CTU2: variants seen among roughly 807,000 people sequenced by gnomAD.
CTU2 encodes cytoplasmic tRNA 2-thiolation protein 2.
A neutral mutation model predicts 64.1 loss-of-function variants in CTU2; 80 were observed. The observed-to-expected ratio is 1.25, with a 90% CI of 1.04 to 1.50. CTU2 has a LOEUF of 1.50. Among genes scored for constraint, CTU2 ranks in the 40% most tolerant of loss-of-function variants. CTU2 has a pLI of 0.00. For synonymous variants in CTU2, 482 were observed against 285.3 expected (o/e 1.69, Z -6.95); for missense variants, 1,110 against 690.2 (o/e 1.61, Z -6.81).
chr16:88,707,600 G>A (rs1347920253), intron 2 of CTU2, among the ~76,000 whole-genome samples: 1 of 152,176 alleles, frequency 6.6e-6, no homozygotes, highest in African/African-American at 2.4e-5. Context: ...TTAATCTCGT[G>A]TGAGATGCTT....
At position 88,714,195 on chromosome 16, in the gene CTU2, C is replaced by G. The variant is rs73262673; in HGVS notation, c.1065C>G (p.Thr355=). ...AGGCCTTCATCCTCAGGCTGCAGACCCAGTTCCCCTCCACTGTCAGCACTG... is the reference window on the plus strand; with the variant it reads ...AGGCCTTCATCCTCAGGCTGCAGACGCAGTTCCCCTCCACTGTCAGCACTG... ...LMEAFILRLQ[T]QFPSTVSTVY... is the part of the protein sequence containing the mutation. The change falls in exon 10 of 15, where the codon ACC becomes ACG. Residue 355 remains threonine (T), a synonymous_variant. Coordinates refer to ENST00000453996, the MANE Select transcript of CTU2 (RefSeq NM_001012759.3). 11,901 of 1,612,210 alleles carry G rather than the reference C, an allele frequency of 7.4e-3. 776 individuals are homozygous for G. In the African/African-American group the frequency reaches 0.14, roughly 19 times the overall value.
intron 2 of CTU2, among the ~76,000 whole-genome samples, chr16:88,707,812 G>T (rs199673451): frequency 0.017 from 2,473 of 144,696 alleles, 58 homozygotes; most frequent in African/African-American, 0.059. Flanking sequence ...TGTTGTTGTT[G>T]TTTTTTTTGA....
chr16:88,714,009 A>G (rs1790757131), intron 9 of CTU2, 127 bp from the exon 10 acceptor site: 2 of 1,081,444 alleles, frequency 1.8e-6, no homozygotes, highest in Non-Finnish European at 2.7e-6. Context: ...TGCCTTGAGC[A>G]GTCGCAGCAA....
rs1911407419 is a variant in CTU2 at position 88,712,456 on chromosome 16, C to G, written c.453+73C>G. The stretch of plus-strand genomic sequence containing the variant: ...GGCACCTGCCCGTGTCCCAGCCTCA[C>G]TGGCCTCTCCCTCATCCCAGAAGGC... On this transcript the variant is annotated intron_variant, in intron 6 of 14. Transcript: ENST00000453996. 5.5e-6 allele frequency: 8 copies of G among 1,457,028 alleles called. No homozygotes were observed. In the South Asian group the frequency reaches 7.9e-5, roughly 14 times the overall value. 90.3% of individuals were successfully genotyped at this position (1,457,028 alleles called of 1,614,324 possible).
intron 2 of CTU2, among the ~76,000 whole-genome samples, chr16:88,708,585 C>A (rs954257869): frequency 6.6e-6 from 1 of 152,128 alleles, no homozygotes; most frequent in Non-Finnish European, 1.5e-5. Context: ...TTGATACTTG[C>A]CAGTTACCTG....
chr16:88,712,190 G>A, intron 5 of CTU2, 84 bp from the exon 6 acceptor site: 1 of 1,199,216 alleles, frequency 8.3e-7, no homozygotes, highest in African/African-American at 1.5e-5. Flanking sequence ...GGCCTCGAAG[G>A]GTTTTCCCAG....
intron 1 of CTU2, 163 bp downstream of exon 1, chr16:88,706,761 G>A (rs1420511514): frequency 1.8e-6 from 1 of 543,324 alleles, no homozygotes; most frequent in East Asian, 3.3e-5. Context: ...CGGCCACCTA[G>A]AAGGGGACTT....
At position 88,711,516 on chromosome 16, in the gene CTU2, A is replaced by G. The variant is rs542948084; in HGVS notation, c.283-119A>G. On this transcript the variant is annotated intron_variant, in intron 4 of 14. Coordinates refer to ENST00000453996, the MANE Select transcript of CTU2 (RefSeq NM_001012759.3). The stretch of plus-strand genomic sequence containing the variant: ...GGCTTTGTCCAATAAACGCAATGGC[A>G]GGGGAAGACCACTTCACCTTCCAAG... 3.2e-5 allele frequency: 33 copies of G among 1,032,014 alleles called. No individual in the cohort carries two copies. The African/African-American group carries it at 4.9e-4, about 15-fold the overall frequency. The allele number at this position is 1,032,014 out of a possible 1,614,324, so 63.9% of individuals were successfully genotyped here.
At chr16:88,708,788 C>T (rs887676525) in intron 2 of CTU2, among the ~76,000 whole-genome samples, 1 of 152,134 alleles carries the variant, frequency 6.6e-6, no homozygotes, top group African/African-American at 2.4e-5. Context: ...CTTGCAGTGG[C>T]ATTGTCCGCT....
chr16:88,709,043 G>C (rs1395341578), intron 2 of CTU2: 1 of 152,238 alleles, frequency 6.6e-6, no homozygotes, highest in Non-Finnish European at 1.5e-5. Flanking sequence ...GGGAGGCCCA[G>C]GCAGGAGGGT....
In CTU2 at chr16:88,713,672, A is replaced by T; in HGVS notation, c.899A>T (p.Asp300Val). 6.2e-7 allele frequency: 1 copy of T among 1,612,434 alleles called. No individual in the cohort carries two copies. The highest frequency in any genetic ancestry group is 8.5e-7 in the Non-Finnish European group (1 of 1,179,794). The change falls in exon 9 of 15, where the codon GAC (aspartate) becomes GTC (valine). Residue 300 changes from aspartate to valine, a missense_variant. Physicochemically the swap from Asp to Val is radical, Grantham distance 152. Transcript: ENST00000453996. ...DTGFSDERHG[D>V]VVVVRPMRDH... Reference sequence around the variant, plus strand: ...GGCTTCTCGGATGAGCGGCACGGGGACGTGGTGGTGGTGCGGCCCATGCGG... The same window carrying T: ...GGCTTCTCGGATGAGCGGCACGGGGTCGTGGTGGTGGTGCGGCCCATGCGG...
chr16:88,714,536 G>A lies in CTU2; in HGVS notation c.1201+50G>A, dbSNP rs148253988. 19,129 of 1,612,558 alleles carry A rather than the reference G, an allele frequency of 0.012. 140 individuals carry two copies. The highest frequency in any genetic ancestry group is 0.014 in the Non-Finnish European group (16,814 of 1,179,794). ...GATGCGGGGAGGGAGCCAGGGAGTGGGTGTGGGGGCTCAGCAGCCCCAGGC... is the reference window on the plus strand; with the variant it reads ...GATGCGGGGAGGGAGCCAGGGAGTGAGTGTGGGGGCTCAGCAGCCCCAGGC... On this transcript the variant is annotated intron_variant, in intron 11 of 14. Transcript: ENST00000453996.
At chr16:88,712,425 C>A in intron 6 of CTU2, 42 bp downstream of exon 6, 1 of 1,513,254 alleles carries the variant, frequency 6.6e-7, no homozygotes, top group Non-Finnish European at 8.9e-7. Flanking sequence ...GAGGTGACCC[C>A]TGGGGGGCAC....
intron 8 of CTU2, 36 bp from the exon 9 acceptor site, chr16:88,713,611 C>T: frequency 6.2e-7 from 1 of 1,600,806 alleles, no homozygotes; most frequent in Non-Finnish European, 8.5e-7. Context: ...CACATTCGGG[C>T]CTTGACCTGG....
At position 88,706,877 on chromosome 16, in the gene CTU2, C is replaced by T. The variant is rs1413145325; in HGVS notation, c.69-259C>T. Reference sequence around the variant, plus strand: ...AACTGGTGCCGTGAAGCTGTCTCGCCTCCCCGTGTCAGCCTTGGGAGACTG... The same window carrying T: ...AACTGGTGCCGTGAAGCTGTCTCGCTTCCCCGTGTCAGCCTTGGGAGACTG... On this transcript the variant is annotated intron_variant, in intron 1 of 14. Transcript: ENST00000453996. The T allele has an allele frequency of 1.1e-5, 6 of 558,132 alleles. No homozygotes were observed. The East Asian group carries it at 1.4e-4, about 13-fold the overall frequency. The allele number at this position is 558,132 out of a possible 1,614,324, so 34.6% of individuals were successfully genotyped here. A position where few individuals can be genotyped will look rare whatever the true frequency, so the allele number is the denominator to read the frequency against.
At chr16:88,710,041 G>A (rs775030045) in intron 3 of CTU2, 25 bp downstream of exon 3, 20 of 1,612,368 alleles carry the variant, frequency 1.2e-5, no homozygotes, top group Non-Finnish European at 1.7e-6. Flanking sequence ...CTGGGGGTCT[G>A]ACTGAGCAGC....
intron 12 of CTU2, 58 bp downstream of exon 12, chr16:88,714,795 C>A: frequency 6.2e-7 from 1 of 1,609,880 alleles, no homozygotes; most frequent in Non-Finnish European, 8.5e-7. Flanking sequence ...GGGGACCTGT[C>A]CTTACCCCAC....
At position 88,713,779 on chromosome 16, in the gene CTU2, G is replaced by A. The variant is rs748470217; in HGVS notation, c.1005+1G>A. On this transcript the variant is annotated splice_donor_variant, in intron 9 of 14. Coordinates refer to ENST00000453996, the MANE Select transcript of CTU2 (RefSeq NM_001012759.3). LOFTEE classifies it high-confidence loss of function. Reference sequence around the variant, plus strand: ...CTTCACACCAGCCGTCGACACCAAGGTGGGCCTTGTGGGCTGGGCAACCTC... The same window carrying A: ...CTTCACACCAGCCGTCGACACCAAGATGGGCCTTGTGGGCTGGGCAACCTC... 2 of 1,612,426 alleles carry A rather than the reference G, an allele frequency of 1.2e-6. No homozygotes were observed. Among genetic ancestry groups the A allele is most frequent in the Admixed American group, 1.7e-5 (1 of 60,012 alleles).
chr16:88,713,655 G>A lies in CTU2; in HGVS notation c.882G>A (p.Ser294=), dbSNP rs778852799. Residue 294 remains serine (S), a synonymous_variant, in exon 9 of 15, where the codon TCG becomes TCA. Coordinates refer to ENST00000453996, the MANE Select transcript of CTU2 (RefSeq NM_001012759.3). ...GCCCCTGCCTCCCGCAGGGCTTCTC[G>A]GATGAGCGGCACGGGGACGTGGTGG... is the stretch of plus-strand genomic sequence containing the variant. ...GAFLAWDTGF[S]DERHGDVVVV... is the part of the protein sequence containing the mutation. 1.2e-5 allele frequency: 20 copies of A among 1,612,126 alleles called. No homozygotes were observed. In the Admixed American group the frequency reaches 1.3e-4, roughly 11 times the overall value.
Sources: gnomAD v4.1 joint callset for allele counts (sites outside exome capture counted in the v4.1 genomes callset) on GRCh38, gnomAD v4.1.1 for gene constraint, MANE v1.5 for transcripts, NCBI Gene and HGNC (gene_info 2026-07-23, HGNC 2026-07-21) for gene names.